Variants in UNC5B observed in about 807,000 individuals in gnomAD.
The protein encoded by UNC5B is unc-5 netrin receptor B.
In UNC5B, 56 loss-of-function variants were observed where a neutral mutation model predicts 103.7. The observed-to-expected ratio is 0.54, with a 90% confidence interval of 0.44 to 0.67. UNC5B has a LOEUF of 0.67. UNC5B is among the 30% of genes least tolerant of loss of function. The pLI, the probability that UNC5B is intolerant of heterozygous loss-of-function variation, is 0.00. For synonymous variants in UNC5B, 577 were observed against 542.0 expected (o/e 1.06, Z -0.90); for missense variants, 1,194 against 1,284.5 (o/e 0.93, Z 1.08).
intron 2 of UNC5B, among the ~76,000 whole-genome samples, chr10:71,283,515 C>T (rs187826788): frequency 1.2e-3 from 180 of 152,280 alleles, no homozygotes; most frequent in African/African-American, 4.1e-3. Flanking sequence ...ACCATGCCAC[C>T]GGCTGTGCGT....
chr10:71,231,530 G>A (rs1216077520), intron 1 of UNC5B, among the ~76,000 whole-genome samples: 1 of 152,220 alleles, frequency 6.6e-6, no homozygotes, highest in Non-Finnish European at 1.5e-5. Context: ...GGAGCGCAGG[G>A]CTGTGTACGC....
At chr10:71,266,224 C>T (rs1314221356) in intron 1 of UNC5B, among the ~76,000 whole-genome samples, 1 of 152,070 alleles carries the variant, frequency 6.6e-6, no homozygotes, top group Non-Finnish European at 1.5e-5. Context: ...GGGGGTGGTT[C>T]CCCCAGCAAA....
At position 71,285,314 on chromosome 10, in the gene UNC5B, C is replaced by T. The variant is rs1026863703; in HGVS notation, c.449-12C>T. 8 of 1,602,528 alleles carry T rather than the reference C, an allele frequency of 5.0e-6. No homozygotes were observed. The highest frequency in any genetic ancestry group is 4.0e-5 in the African/African-American group (3 of 74,802). On this transcript the variant is annotated splice_polypyrimidine_tract_variant and intron_variant, in intron 3 of 16. Coordinates refer to ENST00000335350, the MANE Select transcript of UNC5B (RefSeq NM_170744.5). Reference sequence around the variant, plus strand: ...GCACCTGACTGCCTTGGGACCCTCTCGCTTCTCCCAGACCTGCGCAAGAAC... The same window carrying T: ...GCACCTGACTGCCTTGGGACCCTCTTGCTTCTCCCAGACCTGCGCAAGAAC...
intron 1 of UNC5B, among the ~76,000 whole-genome samples, chr10:71,252,389 A>G (rs745590987): frequency 6.6e-6 from 1 of 152,160 alleles, no homozygotes; most frequent in Non-Finnish European, 1.5e-5. Flanking sequence ...CCTGCAGTTA[A>G]TAGCAGCCAC....
chr10:71,225,103 C>G lies in UNC5B; in HGVS notation c.79+12039C>G, dbSNP rs536986325. 3.9e-5 allele frequency among the ~76,000 whole-genome samples: 6 copies of G among 152,318 alleles called. No individual in the cohort carries two copies. In the South Asian group the frequency reaches 1.0e-3, roughly 26 times the overall value. ...GCACTGGACTAGGAGTCTGGAATCT[C>G]CAGCTCTAAGGCCAAATCTGTCTCT... is the stretch of plus-strand genomic sequence containing the variant. On this transcript the variant is annotated intron_variant, in intron 1 of 16. Coordinates refer to ENST00000335350, the MANE Select transcript of UNC5B (RefSeq NM_170744.5).
intron 1 of UNC5B, among the ~76,000 whole-genome samples, chr10:71,278,235 G>A (rs761230906): frequency 6.6e-6 from 1 of 152,160 alleles, no homozygotes; most frequent in Non-Finnish European, 1.5e-5. Context: ...TTAGTTGTTC[G>A]TTCGATGCAG....
chr10:71,266,455 A>C (rs1323521829), intron 1 of UNC5B, among the ~76,000 whole-genome samples: 1 of 152,146 alleles, frequency 6.6e-6, no homozygotes, highest in Non-Finnish European at 1.5e-5. Context: ...GAGCGGGCCG[A>C]GCCCTGAGCC....
chr10:71,291,948 G>A, intron 10 of UNC5B, 127 bp downstream of exon 10: 2 of 1,351,082 alleles, frequency 1.5e-6, no homozygotes, highest in East Asian at 2.5e-5. Flanking sequence ...AGGGAGGCCT[G>A]AAGGCAGGAA....
intron 1 of UNC5B, among the ~76,000 whole-genome samples, chr10:71,261,251 G>A (rs1844411438): frequency 6.6e-6 from 1 of 152,210 alleles, no homozygotes; most frequent in African/African-American, 2.4e-5. Flanking sequence ...GGGAGGGGGT[G>A]GAATATCTTC....
intron 1 of UNC5B, among the ~76,000 whole-genome samples, chr10:71,245,938 G>A (rs972920193): frequency 1.4e-4 from 21 of 152,222 alleles, no homozygotes; most frequent in Admixed American, 1.3e-4. Flanking sequence ...GTGATACACC[G>A]CCAGCACCCT....
chr10:71,278,453 A>C (rs978548231), intron 1 of UNC5B, among the ~76,000 whole-genome samples: 2 of 149,846 alleles, frequency 1.3e-5, no homozygotes, highest in Non-Finnish European at 1.5e-5. Flanking sequence ...TAGCTACCCC[A>C]CCCCCACCGC....
chr10:71,255,222 C>G (rs1185253715), intron 1 of UNC5B, among the ~76,000 whole-genome samples: 2 of 152,212 alleles, frequency 1.3e-5, no homozygotes, highest in African/African-American at 4.8e-5. Context: ...GTAAATAACA[C>G]TGCGTTGAAC....
At chr10:71,291,893 C>T (rs1845275063) in intron 10 of UNC5B, 72 bp downstream of exon 10, 2 of 1,502,070 alleles carry the variant, frequency 1.3e-6, no homozygotes, top group African/African-American at 1.4e-5. Flanking sequence ...AACACCCATC[C>T]AGCAGAAGAT....
chr10:71,242,401 G>A (rs1210491296), intron 1 of UNC5B, among the ~76,000 whole-genome samples: 2 of 152,252 alleles, frequency 1.3e-5, no homozygotes, highest in Non-Finnish European at 2.9e-5. Flanking sequence ...AGACTGCTGA[G>A]GGAGAGGAGA....
At chr10:71,226,969 T>A (rs936086510) in intron 1 of UNC5B, among the ~76,000 whole-genome samples, 1 of 149,918 alleles carries the variant, frequency 6.7e-6, no homozygotes, top group Non-Finnish European at 1.5e-5. Context: ...TGGATGGAGT[T>A]GGAGACCATT....
chr10:71,267,121 A>C (rs1400815072), intron 1 of UNC5B, among the ~76,000 whole-genome samples: 1 of 152,202 alleles, frequency 6.6e-6, no homozygotes, highest in Non-Finnish European at 1.5e-5. Context: ...GAAATTAGCT[A>C]GTGCATAGGG....
At chr10:71,244,872 G>A (rs1015297212) in intron 1 of UNC5B, among the ~76,000 whole-genome samples, 2 of 152,204 alleles carry the variant, frequency 1.3e-5, no homozygotes, top group Non-Finnish European at 2.9e-5. Flanking sequence ...CACGCAGACC[G>A]CCTCCAGCTC....
chr10:71,290,166 A>C (rs1290327668), intron 8 of UNC5B, among the ~76,000 whole-genome samples: 1 of 152,228 alleles, frequency 6.6e-6, no homozygotes, highest in African/African-American at 2.4e-5. Flanking sequence ...TTCAGGAGCC[A>C]TATGTGACTA....
intron 1 of UNC5B, among the ~76,000 whole-genome samples, chr10:71,225,625 C>T (rs1399383890): frequency 1.3e-5 from 2 of 152,218 alleles, no homozygotes; most frequent in East Asian, 1.9e-4. Flanking sequence ...CGGCCGGCTG[C>T]CCATTCTTAG....
Sources: gnomAD v4.1 joint callset for allele counts (sites outside exome capture counted in the v4.1 genomes callset) on GRCh38, gnomAD v4.1.1 for gene constraint, MANE v1.5 for transcripts, NCBI Gene and HGNC (gene_info 2026-07-23, HGNC 2026-07-21) for gene names.